Variants in TMEM243 observed in about 807,000 individuals in gnomAD.
TMEM243 encodes the protein MDR1 and mitochondrial taxol resistance associated.
A neutral mutation model predicts 15.0 loss-of-function variants in TMEM243; 20 were observed. The ratio of observed to expected loss-of-function variants is 1.33; its 90% CI spans 0.94 to 1.93. TMEM243 has a LOEUF of 1.93. Among genes scored for constraint, TMEM243 ranks in the 30% most tolerant of loss-of-function variants. The pLI is 0.00. For synonymous variants in TMEM243, 72 were observed against 52.7 expected, an observed-to-expected ratio of 1.37 and a Z score of -1.59; for missense variants, 156 against 142.1, an observed-to-expected ratio of 1.10 and a Z score of -0.50.
chr7:87,215,024 T>C (rs1362348323), intron 1 of TMEM243, among the ~76,000 whole-genome samples: 1 of 152,228 alleles, frequency 6.6e-6, no homozygotes, highest in East Asian at 1.9e-4. Flanking sequence ...ATTTCGGATT[T>C]TGGATTTGGG....
At chr7:87,202,612 C>T (rs1211673405) in intron 1 of TMEM243, among the ~76,000 whole-genome samples, 2 of 152,180 alleles carry the variant, frequency 1.3e-5, no homozygotes, top group African/African-American at 4.8e-5. Flanking sequence ...AGAAGACTGA[C>T]TTGCCAAAGG....
chr7:87,200,672 CTT>C (rs999108969), intron 1 of TMEM243, among the ~76,000 whole-genome samples: 45 of 152,282 alleles, frequency 3.0e-4, no homozygotes, highest in African/African-American at 9.4e-4. Flanking sequence ...CCAATCCTCT[CTT>C]TAAAAATTCT....
intron 1 of TMEM243, among the ~76,000 whole-genome samples, chr7:87,213,740 AATC>A (rs1376291673): frequency 3.9e-5 from 6 of 151,966 alleles, no homozygotes; most frequent in Admixed American, 6.6e-5. Flanking sequence ...GACTAACACT[AATC>A]ATAAAAAGCC....
intron 1 of TMEM243, among the ~76,000 whole-genome samples, chr7:87,210,076 C>CGGGAGCGGGGAAGCGTGT (rs1452105062): frequency 2.3e-3 from 87 of 38,190 alleles, no homozygotes; most frequent in Admixed American, 3.4e-3. Flanking sequence ...ATGGGGAGGG[C>CGGGAGCGGGGAAGCGTGT]GGGAGCGGGG....
At chr7:87,204,512 A>C (rs1802061292) in intron 1 of TMEM243, among the ~76,000 whole-genome samples, 1 of 151,686 alleles carries the variant, frequency 6.6e-6, no homozygotes, top group African/African-American at 2.4e-5. Context: ...GGGTACGGGC[A>C]TTGAGTAAAT....
intron 1 of TMEM243, among the ~76,000 whole-genome samples, chr7:87,208,464 G>A (rs528321118): frequency 3.0e-4 from 46 of 152,268 alleles, no homozygotes; most frequent in South Asian, 2.1e-3. Context: ...GGTTTTGGGC[G>A]GCTCTGCCCC....
rs777064318 is a variant in TMEM243, at chr7:87,197,796, T to G, written c.234+145A>C. On this transcript the variant is annotated intron_variant, in intron 3 of 3. Transcript: ENST00000257637. ...GAAAAGGAGAAGACTCAGATTTTAT[T>G]GAGAATTCTAACATACTTTTAGGGG... 4 of 1,519,712 alleles carry G rather than the reference T, an allele frequency of 2.6e-6. No homozygotes were observed. In the South Asian group the frequency reaches 4.9e-5, roughly 19 times the overall value. The allele number at this position is 1,519,712 out of a possible 1,614,324, so 94.1% of individuals were successfully genotyped here.
At chr7:87,215,443 T>C (rs1189383030) in intron 1 of TMEM243, among the ~76,000 whole-genome samples, 1 of 152,220 alleles carries the variant, frequency 6.6e-6, no homozygotes, top group Non-Finnish European at 1.5e-5. Context: ...GTTGAAATGA[T>C]AGTATTAATA....
rs1562885105 is a variant in TMEM243, at chr7:87,209,690, G to C, written c.78+9736C>G. 1.0e-3 allele frequency among the ~76,000 whole-genome samples: 152 copies of C among 145,426 alleles called. 3 individuals carry two copies. Among genetic ancestry groups the C allele is most frequent in the African/African-American group, 3.8e-3 (144 of 38,316 alleles). Reference sequence around the variant, plus strand: ...AGAGAGCGAGAGCGAGACACAGCGAGAGAGCGAGACACAGTGAGAGCGAGA... The same window carrying C: ...AGAGAGCGAGAGCGAGACACAGCGACAGAGCGAGACACAGTGAGAGCGAGA... On this transcript the variant is annotated intron_variant, in intron 1 of 3. Coordinates refer to ENST00000257637, the MANE Select transcript of TMEM243 (RefSeq NM_024315.4).
chr7:87,219,613 A>T lies in TMEM243; in HGVS notation c.-110T>A. 1.0e-6 allele frequency: 1 copy of T among 988,136 alleles called. No individual in the cohort carries two copies. The highest frequency in any genetic ancestry group is 1.5e-6 in the Non-Finnish European group (1 of 645,588). The allele number at this position is 988,136 out of a possible 1,614,324, so 61.2% of individuals were successfully genotyped here. A position where few individuals can be genotyped will look rare whatever the true frequency, so the allele number is the denominator to read the frequency against. Reference sequence around the variant, plus strand: ...CCTCCTCACGGCTCCCGCATAGCCGAACCCGAGTGGTCGGGGAAGCGCTGG... The same window carrying T: ...CCTCCTCACGGCTCCCGCATAGCCGTACCCGAGTGGTCGGGGAAGCGCTGG... On this transcript the variant is annotated 5_prime_UTR_variant, in exon 1 of 4. Coordinates refer to ENST00000257637, the MANE Select transcript of TMEM243 (RefSeq NM_024315.4).
chr7:87,217,314 C>T (rs929929233), intron 1 of TMEM243, among the ~76,000 whole-genome samples: 33 of 152,316 alleles, frequency 2.2e-4, no homozygotes, highest in Non-Finnish European at 2.2e-4. Context: ...AAGCTGCAGA[C>T]ACCCACACAC....
chr7:87,205,625 G>A (rs1178899387), intron 1 of TMEM243, among the ~76,000 whole-genome samples: 2 of 152,154 alleles, frequency 1.3e-5, no homozygotes, highest in South Asian at 2.1e-4. Context: ...CATAACAAGA[G>A]TCACCTTTAC....
At chr7:87,200,202 C>G (rs1370579025) in intron 1 of TMEM243, among the ~76,000 whole-genome samples, 4 of 152,138 alleles carry the variant, frequency 2.6e-5, no homozygotes, top group Admixed American at 2.0e-4. Flanking sequence ...TCACAACTCT[C>G]CAGACCAAGG....
At chr7:87,206,149 G>T (rs1397562786) in intron 1 of TMEM243, among the ~76,000 whole-genome samples, 1 of 152,090 alleles carries the variant, frequency 6.6e-6, no homozygotes, top group Non-Finnish European at 1.5e-5. Context: ...GAACAGTATG[G>T]GGGAAACTGC....
At chr7:87,219,322 A>C in intron 1 of TMEM243, 104 bp downstream of exon 1, 2 of 1,103,862 alleles carry the variant, frequency 1.8e-6, no homozygotes, top group Non-Finnish European at 2.7e-6. Flanking sequence ...CTTCCTCCCT[A>C]AAAGTGCTTT....
intron 1 of TMEM243, among the ~76,000 whole-genome samples, chr7:87,209,474 GAGTGAGAT>G (rs1443384358): frequency 2.0e-5 from 3 of 149,724 alleles, no homozygotes; most frequent in African/African-American, 7.5e-5. Flanking sequence ...GTGAGACAGA[GAGTGAGAT>G]AGTGAGAGAG....
At chr7:87,202,045 G>A (rs1184072042) in intron 1 of TMEM243, among the ~76,000 whole-genome samples, 2 of 152,040 alleles carry the variant, frequency 1.3e-5, no homozygotes, top group Non-Finnish European at 2.9e-5. Flanking sequence ...GACGTTGTGT[G>A]CATACATACA....
chr7:87,212,107 G>A (rs1298237653), intron 1 of TMEM243, among the ~76,000 whole-genome samples: 2 of 152,132 alleles, frequency 1.3e-5, no homozygotes, highest in Non-Finnish European at 2.9e-5. Flanking sequence ...ATGTGAAGTC[G>A]TAATAAGGAT....
intron 1 of TMEM243, among the ~76,000 whole-genome samples, chr7:87,202,071 G>C (rs1003198962): frequency 6.6e-6 from 1 of 152,116 alleles, no homozygotes; most frequent in African/African-American, 2.4e-5. Flanking sequence ...ATATATAGTT[G>C]AGATTTCACC....
Sources: gnomAD v4.1 joint callset for allele counts (sites outside exome capture counted in the v4.1 genomes callset) on GRCh38, gnomAD v4.1.1 for gene constraint, MANE v1.5 for transcripts, NCBI Gene and HGNC (gene_info 2026-07-23, HGNC 2026-07-21) for gene names.